Variants in SNAP29 observed in about 807,000 individuals in gnomAD.
The protein encoded by SNAP29 is synaptosome associated protein 29, also known as synaptosomal-associated protein 29.
In SNAP29, 13 loss-of-function variants were observed where a neutral mutation model predicts 27.9. That is an observed-to-expected ratio of 0.47 (90% confidence interval 0.30 to 0.74). The LOEUF (loss-of-function observed/expected upper bound fraction) is 0.74. SNAP29 is among the 30% of genes least tolerant of loss of function. SNAP29 has a pLI of 0.06. For missense variants in SNAP29, 368 were observed against 336.5 expected, an observed-to-expected ratio of 1.09 and a Z score of -0.73; for synonymous variants, 119 against 127.1, an observed-to-expected ratio of 0.94 and a Z score of 0.43.
At chr22:20,881,735 T>C (rs1928897351) in intron 3 of SNAP29, among the ~76,000 whole-genome samples, 1 of 152,126 alleles carries the variant, frequency 6.6e-6, no homozygotes, top group Non-Finnish European at 1.5e-5. Context: ...TGCCCATCAT[T>C]GGTTCCTGCC....
chr22:20,886,996 G>A (rs1258821009), intron 4 of SNAP29, among the ~76,000 whole-genome samples: 1 of 151,988 alleles, frequency 6.6e-6, no homozygotes, highest in African/African-American at 2.4e-5. Flanking sequence ...GGCCAAGACG[G>A]GCGGATCACA....
intron 4 of SNAP29, among the ~76,000 whole-genome samples, chr22:20,885,621 AT>A (rs1744465882): frequency 6.6e-6 from 1 of 152,302 alleles, no homozygotes; most frequent in Admixed American, 6.5e-5. Flanking sequence ...TTGAGGAAGG[AT>A]ACTGCATTCA....
intron 1 of SNAP29, among the ~76,000 whole-genome samples, chr22:20,869,011 T>A (rs957978161): frequency 2.6e-5 from 4 of 152,142 alleles, no homozygotes; most frequent in African/African-American, 9.7e-5. Context: ...GAGCGGTGGC[T>A]CATGCCTGTA....
chr22:20,872,695 C>T (rs564765809), intron 2 of SNAP29, among the ~76,000 whole-genome samples: 7 of 150,058 alleles, frequency 4.7e-5, no homozygotes, highest in South Asian at 2.1e-4. Flanking sequence ...CCACCACATC[C>T]GGCCTAATTT....
intron 1 of SNAP29, among the ~76,000 whole-genome samples, chr22:20,863,842 G>A (rs1928393289): frequency 6.6e-6 from 1 of 151,960 alleles, no homozygotes; most frequent in Admixed American, 6.6e-5. Context: ...TAATGCCGTG[G>A]ATAAAAATGG....
rs1929062535 is a variant in SNAP29, at chr22:20,888,057, TAG to T, written c.*224_*225del. On this transcript the variant is annotated 3_prime_UTR_variant, in exon 5 of 5. Coordinates refer to ENST00000215730, the MANE Select transcript of SNAP29 (RefSeq NM_004782.4). ...CAAGTTCTTCCAGCAAAATGCTTATTAGAGTTTTTGTCTGAGCACAGTAGCCT... is the reference window on the plus strand; with the variant it reads ...CAAGTTCTTCCAGCAAAATGCTTATTAGTTTTTGTCTGAGCACAGTAGCCT... 1.8e-6 allele frequency: 1 copy of T among 551,920 alleles called. No individual in the cohort carries two copies. Among genetic ancestry groups the T allele is most frequent in the African/African-American group, 1.9e-5 (1 of 52,896 alleles). 34.2% of individuals were successfully genotyped at this position (551,920 alleles called of 1,614,324 possible).
intron 4 of SNAP29, among the ~76,000 whole-genome samples, chr22:20,886,080 T>A (rs1244163572): frequency 6.6e-6 from 1 of 151,540 alleles, no homozygotes; most frequent in Non-Finnish European, 1.5e-5. Flanking sequence ...TGAATTTTAG[T>A]AAGCTTAAGA....
Position 20,887,698 on chromosome 22 carries a change from G to A in SNAP29, c.639G>A (p.Leu213=), listed in dbSNP as rs748307383. 1 of 1,614,184 alleles carries A rather than the reference G, an allele frequency of 6.2e-7. No homozygotes were observed. The highest frequency in any genetic ancestry group is 8.5e-7 in the Non-Finnish European group (1 of 1,180,038). ...DSNLDELSMG[L]GRLKDIALGM... ...CTGCAGATGAGCTGTCCATGGGACT[G>A]GGTCGTCTGAAGGACATAGCCCTGG... The change falls in exon 5 of 5, where the codon CTG becomes CTA. Residue 213 remains leucine (L), a synonymous_variant. Coordinates refer to ENST00000215730, the MANE Select transcript of SNAP29 (RefSeq NM_004782.4).
At chr22:20,862,439 G>T (rs1335240584) in intron 1 of SNAP29, among the ~76,000 whole-genome samples, 1 of 152,212 alleles carries the variant, frequency 6.6e-6, no homozygotes, top group Admixed American at 6.5e-5. Flanking sequence ...CAGCAACAGA[G>T]CTCCTGGGTC....
chr22:20,887,849 T>A lies in SNAP29; in HGVS notation c.*13T>A, dbSNP rs1929056734. 3 of 1,612,390 alleles carry A rather than the reference T, an allele frequency of 1.9e-6. No homozygotes were observed. The South Asian group carries it at 3.3e-5, about 18-fold the overall frequency. ...TCGACAACTCTGAAGACAGACGGAT[T>A]TCCACTCTATTGTGATGAAAAGATT... On this transcript the variant is annotated 3_prime_UTR_variant, in exon 5 of 5. Transcript: ENST00000215730.
intron 2 of SNAP29, among the ~76,000 whole-genome samples, chr22:20,876,321 A>G (rs1400587370): frequency 7.6e-6 from 1 of 131,232 alleles, no homozygotes; most frequent in African/African-American, 2.9e-5. Context: ...GCAGTGGTGC[A>G]GTCTCTGCTC....
At chr22:20,880,991 T>C in intron 2 of SNAP29, 58 bp from the exon 3 acceptor site, 3 of 1,112,672 alleles carry the variant, frequency 2.7e-6, no homozygotes, top group Non-Finnish European at 4.1e-6. Flanking sequence ...ACTGATAACA[T>C]TGTCATAGGG....
Position 20,887,720 on chromosome 22 carries a change from C to G in SNAP29, c.661C>G (p.Leu221Val), listed in dbSNP as rs1413475535. ...MGLGRLKDIALGMQTEIEEQD... is the reference protein window; with the variant it reads ...MGLGRLKDIAVGMQTEIEEQD... ...ACTGGGTCGTCTGAAGGACATAGCC[C>G]TGGGGATGCAGACAGAAATTGAGGA... Residue 221 changes from leucine (L) to valine (V), a missense_variant, in exon 5 of 5, where the codon CTG (leucine) becomes GTG (valine). By Grantham distance (32) the Leu-to-Val change is conservative. Transcript: ENST00000215730. 1.9e-6 allele frequency: 3 copies of G among 1,614,048 alleles called. No individual in the cohort carries two copies. The African/African-American group carries it at 4.0e-5, about 22-fold the overall frequency.
intron 2 of SNAP29, among the ~76,000 whole-genome samples, chr22:20,876,568 CTT>C (rs144163820): frequency 2.8e-4 from 33 of 117,088 alleles, no homozygotes; most frequent in Admixed American, 3.7e-4. Context: ...CACTTAAAAG[CTT>C]TTTTTTTTTT....
intron 2 of SNAP29, among the ~76,000 whole-genome samples, chr22:20,873,647 A>G (rs1308538868): frequency 6.6e-6 from 1 of 151,936 alleles, no homozygotes; most frequent in African/African-American, 2.4e-5. Flanking sequence ...CCTGAGCAAC[A>G]TGACAAAACC....
chr22:20,887,592 C>T, intron 4 of SNAP29, 87 bp from the exon 5 acceptor site: 1 of 1,427,530 alleles, frequency 7.0e-7, no homozygotes, highest in South Asian at 1.1e-5. Flanking sequence ...AGATCCCTGT[C>T]TCTCCCACTT....
Position 20,887,717 on chromosome 22 carries a change from G to A in SNAP29, c.658G>A (p.Ala220Thr). 1 of 1,614,166 alleles carries A rather than the reference G, an allele frequency of 6.2e-7. No individual in the cohort carries two copies. Among genetic ancestry groups the A allele is most frequent in the South Asian group, 1.1e-5 (1 of 91,086 alleles). Residue 220 changes from alanine (A) to threonine (T), a missense_variant, in exon 5 of 5, where the codon GCC becomes ACC. Coordinates refer to ENST00000215730, the MANE Select transcript of SNAP29 (RefSeq NM_004782.4). ...SMGLGRLKDI[A>T]LGMQTEIEEQ... ...GGGACTGGGTCGTCTGAAGGACATA[G>A]CCCTGGGGATGCAGACAGAAATTGA...
At chr22:20,882,725 G>A (rs1225911314) in intron 3 of SNAP29, among the ~76,000 whole-genome samples, 2 of 152,212 alleles carry the variant, frequency 1.3e-5, no homozygotes, top group Admixed American at 6.5e-5. Flanking sequence ...AGGAATTAAA[G>A]AGAGTTTTTA....
chr22:20,871,316 A>C (rs1027332981), intron 2 of SNAP29, among the ~76,000 whole-genome samples: 4 of 150,628 alleles, frequency 2.7e-5, no homozygotes, highest in Non-Finnish European at 5.9e-5. Flanking sequence ...CTCTATAAAA[A>C]CTAAAAAAAA....
Sources: gnomAD v4.1 joint callset for allele counts (sites outside exome capture counted in the v4.1 genomes callset) on GRCh38, gnomAD v4.1.1 for gene constraint, MANE v1.5 for transcripts, NCBI Gene and HGNC (gene_info 2026-07-23, HGNC 2026-07-21) for gene names.